GNAI2: variants seen among roughly 807,000 people sequenced by gnomAD.
GNAI2 encodes the protein guanine nucleotide-binding protein G(i) subunit alpha-2.
Under a neutral mutation model 36.8 loss-of-function variants are expected in GNAI2, and 4 were observed. The observed-to-expected ratio is 0.11, with a 90% CI of 0.05 to 0.25. GNAI2 has a LOEUF of 0.25. Among genes scored for constraint, GNAI2 ranks in the 10% least tolerant of loss-of-function variants. The pLI, the probability that GNAI2 is intolerant of heterozygous loss-of-function variation, is 1.00. For synonymous variants in GNAI2, 194 were observed against 194.1 expected (o/e 1.00, Z 0.01); for missense variants, 230 against 481.3 (o/e 0.48, Z 4.89).
chr3:50,243,342 C>T (rs1417532043), intron 1 of GNAI2, among the ~76,000 whole-genome samples: 4 of 152,118 alleles, frequency 2.6e-5, no homozygotes, highest in Non-Finnish European at 4.4e-5. Context: ...GGAGGGCTAG[C>T]AGGAAGGCAG....
In GNAI2 at chr3:50,253,104, C is replaced by T. The variant is rs782394075; in HGVS notation, c.384C>T (p.Ile128=). The T allele has an allele frequency of 3.1e-6, 5 of 1,613,536 alleles. No individual in the cohort carries two copies. The African/African-American group carries it at 4.0e-5, about 13-fold the overall frequency. Residue 128 remains isoleucine, a synonymous_variant, in exon 4 of 9, where the codon ATC becomes ATT. Transcript: ENST00000313601. The surrounding 1 kb of genome is among the most constrained non-coding windows in gnomAD (Gnocchi z 4.2). ...GVLPDDLSGV[I]RRLWADHGVQ... ...TCCCTGATGACCTGTCCGGCGTCAT[C>T]CGGAGGCTCTGGGCTGACCATGGTG... is the stretch of plus-strand genomic sequence containing the variant.
intron 1 of GNAI2, among the ~76,000 whole-genome samples, chr3:50,246,330 C>G (rs1410035061): frequency 6.6e-6 from 1 of 152,256 alleles, no homozygotes; most frequent in African/African-American, 2.4e-5. Context: ...GCCCAGCCCC[C>G]ACTTCCTTCC....
At position 50,257,525 on chromosome 3, in the gene GNAI2, C is replaced by G; in HGVS notation, c.903C>G (p.Ala301=). ...GGGCCAACAAATATGATGAGGCAGC[C>G]AGCTACATCCAGAGTAAGTTTGAGG... ...YTGANKYDEA[A]SYIQSKFEDL... The change falls in exon 8 of 9, where the codon GCC becomes GCG. Residue 301 remains alanine, a synonymous_variant. Coordinates refer to ENST00000313601, the MANE Select transcript of GNAI2 (RefSeq NM_002070.4). 6.4e-7 allele frequency: 1 copy of G among 1,570,034 alleles called. No homozygotes were observed. The highest frequency in any genetic ancestry group is 8.7e-7 in the Non-Finnish European group (1 of 1,154,652).
At chr3:50,244,489 C>T (rs1575445083) in intron 1 of GNAI2, among the ~76,000 whole-genome samples, 1 of 152,330 alleles carries the variant, frequency 6.6e-6, no homozygotes. Flanking sequence ...CTGGGGAAGG[C>T]TCAGAAGCTA....
chr3:50,240,047 A>G (rs1700264639), intron 1 of GNAI2: 1 of 152,338 alleles, frequency 6.6e-6, no homozygotes, highest in East Asian at 1.9e-4. Flanking sequence ...AAGGGCTGGC[A>G]TACTATAGAT....
At chr3:50,250,810 CTTTT>C (rs782677693) in intron 1 of GNAI2, among the ~76,000 whole-genome samples, 1 of 136,642 alleles carries the variant, frequency 7.3e-6, no homozygotes. Flanking sequence ...TGGGAGTCTG[CTTTT>C]TTTTTTTTTT....
chr3:50,252,523 C>G lies in GNAI2; in HGVS notation c.288C>G (p.Ala96=), dbSNP rs782375372. Residue 96 remains alanine, a synonymous_variant, in exon 3 of 9, where the codon GCC becomes GCG. Transcript: ENST00000313601. The surrounding 1 kb of genome is among the most constrained non-coding windows in gnomAD (Gnocchi z 4.1). ...KAMGNLQIDF[A]DPSRADDARQ... is the part of the protein sequence containing the mutation. ...TGGGCAACCTGCAGATCGACTTTGC[C>G]GACCCCTCCAGAGCGGTATGTGCCC... The G allele has an allele frequency of 6.2e-7, 1 of 1,613,210 alleles. No individual in the cohort carries two copies. Among genetic ancestry groups the G allele is most frequent in the Admixed American group, 1.7e-5 (1 of 59,994 alleles).
upstream of GNAI2, chr3:50,230,457 A>T (rs909951090): frequency 2.6e-5 from 4 of 152,110 alleles, no homozygotes; most frequent in Non-Finnish European, 5.9e-5. Flanking sequence ...GTGGGGTCCT[A>T]CCTAGTCCTG....
At chr3:50,237,609 TGA>T (rs1700206142) in intron 1 of GNAI2, among the ~76,000 whole-genome samples, 2 of 151,622 alleles carry the variant, frequency 1.3e-5, no homozygotes, top group Admixed American at 1.3e-4. Context: ...ACTAGCTGAA[TGA>T]GGAGTTGAGG....
In GNAI2 at chr3:50,255,766, C is replaced by G. The variant is rs1010411798; in HGVS notation, c.465-426C>G. On this transcript the variant is annotated intron_variant, in intron 4 of 8. Coordinates refer to ENST00000313601, the MANE Select transcript of GNAI2 (RefSeq NM_002070.4). The surrounding 1 kb of genome is among the most constrained non-coding windows in gnomAD (Gnocchi z 4.0). Reference sequence around the variant, plus strand: ...GGGGTTAAAGAAACAAGGGCTGTGCCTAGGCCAGGCGCAGTGGCTCACGCC... The same window carrying G: ...GGGGTTAAAGAAACAAGGGCTGTGCGTAGGCCAGGCGCAGTGGCTCACGCC... 2.6e-5 allele frequency among the ~76,000 whole-genome samples: 4 copies of G among 151,506 alleles called. No individual in the cohort carries two copies. Among genetic ancestry groups the G allele is most frequent in the African/African-American group, 9.7e-5 (4 of 41,202 alleles).
upstream of GNAI2, chr3:50,236,199 C>A: frequency 8.5e-7 from 1 of 1,179,276 alleles, no homozygotes; most frequent in Non-Finnish European, 1.0e-6. This position sits in a 1 kb window ranked among gnomAD's most constrained non-coding sequence, Gnocchi z 4.0. Context: ...GAAGGCGCCT[C>A]CCGCAGTCGC....
intron 1 of GNAI2, among the ~76,000 whole-genome samples, chr3:50,237,221 G>A (rs587701772): frequency 6.6e-6 from 1 of 152,332 alleles, no homozygotes; most frequent in South Asian, 2.1e-4. Flanking sequence ...GAGGGCCTAG[G>A]CTGCCTTATG....
chr3:50,251,707 G>T (rs782410501), intron 1 of GNAI2: 19 of 1,341,596 alleles, frequency 1.4e-5, no homozygotes, highest in Non-Finnish European at 1.9e-5. Flanking sequence ...TGCCAGCTCT[G>T]CCCAGGGCAC....
chr3:50,255,131 T>C lies in GNAI2; in HGVS notation c.465-1061T>C, dbSNP rs2030930829. Among the ~76,000 whole-genome samples the C allele has an allele frequency of 6.6e-6, 1 of 152,170 alleles. No individual in the cohort carries two copies. The highest frequency in any genetic ancestry group is 2.4e-5 in the African/African-American group (1 of 41,442). On this transcript the variant is annotated intron_variant, in intron 4 of 8. Coordinates refer to ENST00000313601, the MANE Select transcript of GNAI2 (RefSeq NM_002070.4). The surrounding 1 kb of genome is among the most constrained non-coding windows in gnomAD (Gnocchi z 4.0). ...TTGTCCCTGCTACTCTGAGATCATT[T>C]CCCTCTGGCCTGGTTTGGCCTGGGT... is the stretch of plus-strand genomic sequence containing the variant.
intron 1 of GNAI2, chr3:50,247,007 A>C: frequency 7.7e-7 from 1 of 1,302,976 alleles, no homozygotes; most frequent in Non-Finnish European, 1.1e-6. Flanking sequence ...TTATCTGAAA[A>C]TCTTCAGAAG....
intron 1 of GNAI2, among the ~76,000 whole-genome samples, chr3:50,250,421 C>T (rs942240579): frequency 4.6e-5 from 7 of 152,200 alleles, no homozygotes; most frequent in Admixed American, 2.0e-4. Flanking sequence ...GAGGAACAAA[C>T]GTGCCACAGT....
chr3:50,257,820 G>A, intron 8 of GNAI2, 106 bp downstream of exon 8: 2 of 576,566 alleles, frequency 3.5e-6, no homozygotes. Flanking sequence ...GGAGGGGGAG[G>A]GGCAATAGGT....
chr3:50,249,423 G>C lies in GNAI2; in HGVS notation c.119-2677G>C, dbSNP rs1014984447. ...CCTTTCCCCATGTCCTCATTGGCAG[G>C]TGGAGGAGTGTTGGTATGCAGATCC... On this transcript the variant is annotated intron_variant, in intron 1 of 8. Transcript: ENST00000313601. 7.2e-5 allele frequency among the ~76,000 whole-genome samples: 11 copies of C among 152,304 alleles called. No individual in the cohort carries two copies. In the Middle Eastern group the frequency reaches 0.017, roughly 235 times the overall value.
intron 5 of GNAI2, 179 bp from the exon 6 acceptor site, chr3:50,256,540 AGCCT>A: frequency 1.4e-6 from 1 of 731,422 alleles, no homozygotes; most frequent in South Asian, 1.7e-5. Flanking sequence ...ATGTGGCTGC[AGCCT>A]GCCTGCTGTC....
Sources: allele counts gnomAD v4.1 joint callset (sites outside exome capture counted in the v4.1 genomes callset), GRCh38; gene constraint gnomAD v4.1.1; non-coding constraint Gnocchi (gnomAD v3.1); transcripts MANE v1.5; gene names NCBI Gene and HGNC (gene_info 2026-07-23, HGNC 2026-07-21).